FRAS1: variants seen among roughly 807,000 people sequenced by gnomAD.
FRAS1 encodes the protein Fraser extracellular matrix complex subunit 1.
FRAS1 carries 290 observed loss-of-function variants against 435.2 expected under a neutral mutation model. That is an observed-to-expected ratio of 0.67 (90% confidence interval 0.61 to 0.73). FRAS1 has a LOEUF of 0.73. Among genes scored for constraint, FRAS1 ranks in the 30% least tolerant of loss-of-function variants. The pLI is 0.00. For missense variants in FRAS1, 4,860 were observed against 5,001.5 expected (o/e 0.97, Z 0.85); for synonymous variants, 1,800 against 1,851.0 (o/e 0.97, Z 0.71).
At chr4:78,236,424 T>A (rs1724767593) in intron 2 of FRAS1, among the ~76,000 whole-genome samples, 1 of 152,136 alleles carries the variant, frequency 6.6e-6, no homozygotes, top group African/African-American at 2.4e-5. Flanking sequence ...GGTGCACCCA[T>A]CACCTGAGCA....
intron 15 of FRAS1, among the ~76,000 whole-genome samples, chr4:78,314,306 A>G (rs748986235): frequency 1.1e-4 from 17 of 151,318 alleles, no homozygotes; most frequent in Non-Finnish European, 2.5e-4. Context: ...AGCTCATGGC[A>G]CTCCCCCACA....
At chr4:78,239,384 C>T (rs1026672277) in intron 3 of FRAS1, among the ~76,000 whole-genome samples, 5 of 152,144 alleles carry the variant, frequency 3.3e-5, no homozygotes, top group African/African-American at 1.2e-4. Context: ...TCTTTGCTGT[C>T]AGTCTGGTTC....
chr4:78,180,602 C>A (rs560886791), intron 2 of FRAS1, among the ~76,000 whole-genome samples: 1 of 152,220 alleles, frequency 6.6e-6, no homozygotes, highest in African/African-American at 2.4e-5. Flanking sequence ...CAAAAGTATT[C>A]ATGAAGAATG....
intron 1 of FRAS1, among the ~76,000 whole-genome samples, chr4:78,061,008 A>G (rs1417013525): frequency 6.6e-6 from 1 of 151,978 alleles, no homozygotes; most frequent in Non-Finnish European, 1.5e-5. Flanking sequence ...CACCATGCCC[A>G]GCCAATTTTC....
At chr4:78,500,693 G>T (rs976156244) in intron 61 of FRAS1, among the ~76,000 whole-genome samples, 4 of 152,160 alleles carry the variant, frequency 2.6e-5, no homozygotes, top group Admixed American at 6.6e-5. Flanking sequence ...GTTGAAGGGG[G>T]AGGGTCTTTA....
intron 9 of FRAS1, among the ~76,000 whole-genome samples, chr4:78,271,028 C>T (rs1325582070): frequency 1.3e-5 from 2 of 152,086 alleles, no homozygotes; most frequent in African/African-American, 4.8e-5. Flanking sequence ...TTTGAAGGCT[C>T]AAGAAAAGTA....
intron 20 of FRAS1, among the ~76,000 whole-genome samples, chr4:78,359,656 G>A (rs1730998824): frequency 6.6e-6 from 1 of 152,118 alleles, no homozygotes; most frequent in Admixed American, 6.6e-5. Context: ...TGTTCAGCAT[G>A]ACTTTTTAAA....
intron 2 of FRAS1, among the ~76,000 whole-genome samples, chr4:78,127,027 A>C (rs752654870): frequency 6.6e-6 from 1 of 152,214 alleles, no homozygotes; most frequent in Non-Finnish European, 1.5e-5. Context: ...AGGCACCAGG[A>C]TAGAACTTTG....
intron 14 of FRAS1, among the ~76,000 whole-genome samples, chr4:78,302,788 C>T (rs425288): frequency 0.65 from 98,135 of 151,900 alleles, 32,228 homozygotes; most frequent in Non-Finnish European, 0.69. Flanking sequence ...CTGCGAAAAT[C>T]TTCTCCCATT....
At chr4:78,171,391 T>C (rs1721550965) in intron 2 of FRAS1, among the ~76,000 whole-genome samples, 1 of 152,160 alleles carries the variant, frequency 6.6e-6, no homozygotes. Context: ...TTATGTGTTT[T>C]ACATGTGCCC....
intron 4 of FRAS1, among the ~76,000 whole-genome samples, chr4:78,251,003 G>C (rs555091585): frequency 1.6e-4 from 25 of 152,046 alleles, no homozygotes; most frequent in South Asian, 8.3e-4. Context: ...TTTAAGATCA[G>C]TTTGTCCTTT....
intron 40 of FRAS1, among the ~76,000 whole-genome samples, chr4:78,440,144 C>G (rs1734599721): frequency 1.3e-5 from 2 of 150,924 alleles, no homozygotes; most frequent in Non-Finnish European, 3.0e-5. Context: ...CATTCTCCTG[C>G]CTCAGCCTCC....
intron 14 of FRAS1, among the ~76,000 whole-genome samples, chr4:78,299,587 C>G (rs1239802381): frequency 1.3e-5 from 2 of 152,214 alleles, no homozygotes; most frequent in Non-Finnish European, 2.9e-5. Flanking sequence ...AATTTCTTAT[C>G]TCCTCTATAC....
At chr4:78,503,613 T>G (rs977737082) in intron 61 of FRAS1, among the ~76,000 whole-genome samples, 6 of 152,240 alleles carry the variant, frequency 3.9e-5, no homozygotes, top group African/African-American at 1.4e-4. Context: ...ATTTCTTCTT[T>G]ATTAGTTTTG....
At chr4:78,452,152 A>G in intron 46 of FRAS1, 23 bp from the exon 47 acceptor site, 1 of 1,609,912 alleles carries the variant, frequency 6.2e-7, no homozygotes, top group South Asian at 1.1e-5. Context: ...CCCATTTCAA[A>G]TCACTATTTC....
intron 15 of FRAS1, among the ~76,000 whole-genome samples, chr4:78,309,012 T>C (rs562923435): frequency 5.3e-5 from 8 of 152,214 alleles, no homozygotes; most frequent in Non-Finnish European, 1.2e-4. Flanking sequence ...CTGGATTATC[T>C]GGGTAAGCCC....
chr4:78,452,004 G>A, intron 46 of FRAS1, 113 bp downstream of exon 46: 1 of 1,303,320 alleles, frequency 7.7e-7, no homozygotes, highest in Non-Finnish European at 1.1e-6. Flanking sequence ...TAGCTGGTGT[G>A]GAAACTGAAA....
At chr4:78,208,255 C>T (rs1723347961) in intron 2 of FRAS1, among the ~76,000 whole-genome samples, 1 of 152,198 alleles carries the variant, frequency 6.6e-6, no homozygotes, top group South Asian at 2.1e-4. Flanking sequence ...GAGAGTACTA[C>T]ATCAAAGGAA....
At chr4:78,365,580 T>C (rs556667589) in intron 22 of FRAS1, among the ~76,000 whole-genome samples, 60 of 152,112 alleles carry the variant, frequency 3.9e-4, no homozygotes, top group Non-Finnish European at 8.1e-4. Flanking sequence ...TGGGGCAGGG[T>C]GGCCTCTGCA....
Sources: gnomAD v4.1 joint callset for allele counts (sites outside exome capture counted in the v4.1 genomes callset) on GRCh38, gnomAD v4.1.1 for gene constraint, MANE v1.5 for transcripts, NCBI Gene and HGNC (gene_info 2026-07-23, HGNC 2026-07-21) for gene names.